CNTLN: variants seen among roughly 807,000 people sequenced by gnomAD.
CNTLN encodes centlein, also known as centlein, centrosomal protein.
A neutral mutation model predicts 180.0 loss-of-function variants in CNTLN; 212 were observed. The ratio of observed to expected loss-of-function variants is 1.18; its 90% CI spans 1.05 to 1.32. The LOEUF is 1.32. Among genes scored for constraint, CNTLN ranks in the 40% most tolerant of loss-of-function variants. CNTLN has a pLI of 0.00. For synonymous variants in CNTLN, 722 were observed against 563.1 expected (o/e 1.28, Z -3.99); for missense variants, 2,095 against 1,610.9 (o/e 1.30, Z -5.14).
At chr9:17,341,159 A>C (rs570585503) in intron 11 of CNTLN, among the ~76,000 whole-genome samples, 2 of 152,354 alleles carry the variant, frequency 1.3e-5, no homozygotes, top group Admixed American at 6.5e-5. Context: ...TGCAGATATC[A>C]TTAGCAGTCA....
At chr9:17,320,211 C>G (rs932367451) in intron 8 of CNTLN, among the ~76,000 whole-genome samples, 1 of 152,164 alleles carries the variant, frequency 6.6e-6, no homozygotes, top group Non-Finnish European at 1.5e-5. Context: ...CTCTTCCTTG[C>G]TTTCCTCAAT....
chr9:17,434,442 T>C (rs1201663851), intron 18 of CNTLN, among the ~76,000 whole-genome samples: 1 of 152,136 alleles, frequency 6.6e-6, no homozygotes. Context: ...ATTACGTTCT[T>C]GCTTTTTAAA....
chr9:17,347,052 A>G lies in CNTLN; in HGVS notation c.1886+4608A>G, dbSNP rs183272602. Among the ~76,000 whole-genome samples, 793 of 152,256 alleles carry G rather than the reference A, an allele frequency of 5.2e-3. 5 individuals carry two copies. Among genetic ancestry groups the G allele is most frequent in the Admixed American group, 8.2e-3 (125 of 15,290 alleles). ...GGCTATTGTAATTTTTAGTTCTAAA[A>G]TTTCCATTGGGTTCTTCTTTATGTA... On this transcript the variant is annotated intron_variant, in intron 12 of 25. Transcript: ENST00000380647.
chr9:17,498,527 A>G (rs1833576442), intron 25 of CNTLN, among the ~76,000 whole-genome samples: 1 of 152,198 alleles, frequency 6.6e-6, no homozygotes, highest in Non-Finnish European at 1.5e-5. Flanking sequence ...ATGACTAGGA[A>G]GATCTGCCTT....
the CNTLN span, among the ~76,000 whole-genome samples, chr9:17,509,036 C>T: frequency 6.6e-6 from 1 of 152,198 alleles, no homozygotes; most frequent in Non-Finnish European, 1.5e-5. Context: ...ATAGGATAAC[C>T]TGCTCTGTAG....
intron 2 of CNTLN, among the ~76,000 whole-genome samples, chr9:17,158,659 A>G (rs1309102927): frequency 2.0e-5 from 3 of 152,066 alleles, no homozygotes; most frequent in Non-Finnish European, 4.4e-5. Flanking sequence ...TTTGCTGGGT[A>G]TAGTTGTTCA....
chr9:17,394,729 G>T lies in CNTLN; in HGVS notation c.2275G>T (p.Glu759Ter). 1 of 1,613,860 alleles carries T rather than the reference G, an allele frequency of 6.2e-7. No individual in the cohort carries two copies. The highest frequency in any genetic ancestry group is 1.1e-5 in the South Asian group (1 of 91,044). The change falls in exon 15 of 26, where the codon GAA (glutamate) becomes TAA (stop). Residue 759 changes from glutamate to a stop codon, truncating the protein, a stop_gained. Transcript: ENST00000380647. LOFTEE classifies it high-confidence loss of function. ...TAAAGATGTAGAAAAAGAAAATACT[G>T]AACTTCAAGTAAAAATCAGTGAGCT... ...GSKDVEKENTELQVKISELET... is the reference protein window; with the variant it reads ...GSKDVEKENT
At position 17,236,462 on chromosome 9, in the gene CNTLN, A is replaced by C. The variant is rs1375563732; in HGVS notation, c.723A>C (p.Lys241Asn). 2 of 1,613,754 alleles carry C rather than the reference A, an allele frequency of 1.2e-6. No homozygotes were observed. Among genetic ancestry groups the C allele is most frequent in the Middle Eastern group, 1.7e-4 (1 of 6,058 alleles). ...AAGAGCAAAACAGACTAGTTATAAA[A>C]AATCTGGAGGAGGAAAACAAGAAAT... ...NKEEQNRLVI[K>N]NLEEENKKLS... Residue 241 changes from lysine to asparagine, a missense_variant, in exon 5 of 26, where the codon AAA becomes AAC. Coordinates refer to ENST00000380647, the MANE Select transcript of CNTLN (RefSeq NM_017738.4).
intron 23 of CNTLN, among the ~76,000 whole-genome samples, chr9:17,473,423 G>A (rs1296351329): frequency 1.3e-5 from 2 of 151,562 alleles, no homozygotes; most frequent in Non-Finnish European, 2.9e-5. Flanking sequence ...CTCCTATTGG[G>A]AATGAACCAT....
intron 8 of CNTLN, among the ~76,000 whole-genome samples, chr9:17,328,272 G>C (rs1349278575): frequency 1.3e-5 from 2 of 152,106 alleles, no homozygotes; most frequent in Non-Finnish European, 2.9e-5. Context: ...CTAGAAAATT[G>C]ATAGCAGATT....
intron 23 of CNTLN, among the ~76,000 whole-genome samples, chr9:17,472,094 A>C (rs1335650861): frequency 1.3e-5 from 2 of 152,156 alleles, no homozygotes; most frequent in African/African-American, 4.8e-5. Flanking sequence ...AGTATTTTCT[A>C]ATAATCAATG....
chr9:17,318,838 TTCCATCCATCCA>T (rs60102156), intron 8 of CNTLN, among the ~76,000 whole-genome samples: 122,059 of 151,350 alleles, frequency 0.81, 49,502 homozygotes, highest in Non-Finnish European at 0.85. Context: ...CCATCCTTTA[TTCCATCCATCCA>T]TCCATCCATC....
chr9:17,465,177 T>G (rs1831676691), intron 21 of CNTLN, among the ~76,000 whole-genome samples: 1 of 150,272 alleles, frequency 6.7e-6, no homozygotes, highest in Admixed American at 6.6e-5. Context: ...ACCCTGTGCT[T>G]TGGCATTCAC....
rs1298452903 is a variant in CNTLN at position 17,394,702 on chromosome 9, A to T, written c.2248A>T (p.Ser750Cys). 1.2e-6 allele frequency: 2 copies of T among 1,613,984 alleles called. No homozygotes were observed. Among genetic ancestry groups the T allele is most frequent in the South Asian group, 2.2e-5 (2 of 91,076 alleles). ...AGAGCTAGAACAGATAATAAAGGGG[A>T]GTAAAGATGTAGAAAAAGAAAATAC... ...EKELEQIIKG[S>C]KDVEKENTEL... The change falls in exon 15 of 26, where the codon AGT (serine) becomes TGT (cysteine). Residue 750 changes from serine to cysteine, a missense_variant. Transcript: ENST00000380647.
At chr9:17,326,632 A>G (rs1011883900) in intron 8 of CNTLN, among the ~76,000 whole-genome samples, 1 of 152,184 alleles carries the variant, frequency 6.6e-6, no homozygotes, top group Non-Finnish European at 1.5e-5. Context: ...CAAGTGGAGT[A>G]ATCTGACAAA....
chr9:17,285,383 T>C (rs1266186754), intron 6 of CNTLN, among the ~76,000 whole-genome samples: 2 of 148,994 alleles, frequency 1.3e-5, no homozygotes, highest in African/African-American at 5.0e-5. Context: ...ATGTGCCACA[T>C]TTTCTTAATC....
the CNTLN span, among the ~76,000 whole-genome samples, chr9:17,516,768 T>C: frequency 6.6e-6 from 1 of 152,148 alleles, no homozygotes; most frequent in Admixed American, 6.6e-5. Flanking sequence ...TCTGCTGTTT[T>C]CTCAGTTTCC....
Position 17,409,327 on chromosome 9 carries a change from G to A in CNTLN, c.2650G>A (p.Gly884Arg). 4 of 1,612,530 alleles carry A rather than the reference G, an allele frequency of 2.5e-6. No individual in the cohort carries two copies. Among genetic ancestry groups the A allele is most frequent in the Non-Finnish European group, 2.5e-6 (3 of 1,179,456 alleles). Residue 884 changes from glycine (G) to arginine (R), a missense_variant, in exon 16 of 26, where the codon GGA (glycine) becomes AGA (arginine). Transcript: ENST00000380647. ...TGAAGCACAGACCTCTCAAACTTTGGGAACAATTATTGTAGAAACATCCCA... is the reference window on the plus strand; with the variant it reads ...TGAAGCACAGACCTCTCAAACTTTGAGAACAATTATTGTAGAAACATCCCA... ...DSEAQTSQTL[G>R]TIIVETSQKI...
chr9:17,481,343 C>A (rs973634730), intron 23 of CNTLN, among the ~76,000 whole-genome samples: 4 of 152,202 alleles, frequency 2.6e-5, no homozygotes, highest in Non-Finnish European at 5.9e-5. Context: ...CAGCTGACAG[C>A]CCCATCCAAC....
Sources: gnomAD v4.1 joint callset for allele counts (sites outside exome capture counted in the v4.1 genomes callset) on GRCh38, gnomAD v4.1.1 for gene constraint, MANE v1.5 for transcripts, NCBI Gene and HGNC (gene_info 2026-07-23, HGNC 2026-07-21) for gene names.